LRP1B: variants seen among roughly 807,000 people sequenced by gnomAD.
The protein encoded by LRP1B is low-density lipoprotein receptor-related protein 1B.
In LRP1B, 217 loss-of-function variants were observed where a neutral mutation model predicts 556.6. The observed-to-expected ratio is 0.39, with a 90% CI of 0.35 to 0.44. The LOEUF (loss-of-function observed/expected upper bound fraction) is 0.44. Ranked by LOEUF, LRP1B falls within the 20% of genes least tolerant of loss-of-function variation. The probability of loss-of-function intolerance (pLI) is 1.00; values close to 1 mark genes in which losing one functional copy is unlikely to be tolerated. For missense variants in LRP1B, 5,053 were observed against 5,620.8 expected (o/e 0.90, Z 3.23); for synonymous variants, 2,047 against 1,865.8 (o/e 1.10, Z -2.50).
chr2:141,966,831 C>A (rs1464319875), intron 1 of LRP1B, among the ~76,000 whole-genome samples: 3 of 151,788 alleles, frequency 2.0e-5, no homozygotes, highest in Non-Finnish European at 4.4e-5. Flanking sequence ...TCTAAGCTCG[C>A]TGGATACATT....
chr2:142,080,109 A>C (rs62702462), intron 1 of LRP1B, among the ~76,000 whole-genome samples: 27 of 145,844 alleles, frequency 1.9e-4, no homozygotes, highest in East Asian at 1.4e-3. Context: ...AAAAAAAAAA[A>C]CCCCACAAAG....
chr2:141,266,136 A>G (rs1386267703), intron 3 of LRP1B, among the ~76,000 whole-genome samples: 1 of 152,130 alleles, frequency 6.6e-6, no homozygotes, highest in Non-Finnish European at 1.5e-5. Flanking sequence ...CATCCTGGCT[A>G]ACACAGTGAA....
chr2:141,135,636 AC>A (rs1701473674), intron 7 of LRP1B, among the ~76,000 whole-genome samples: 3 of 152,052 alleles, frequency 2.0e-5, no homozygotes, highest in African/African-American at 2.4e-5. Context: ...GTACTGTGGG[AC>A]CAGACTGAGT....
chr2:142,123,198 T>C (rs2105015376), intron 1 of LRP1B, among the ~76,000 whole-genome samples: 1 of 152,146 alleles, frequency 6.6e-6, no homozygotes, highest in South Asian at 2.1e-4. Flanking sequence ...CAACCATAAC[T>C]AAGTTTCATT....
At chr2:141,757,211 T>C (rs1043102330) in intron 2 of LRP1B, among the ~76,000 whole-genome samples, 3 of 152,160 alleles carry the variant, frequency 2.0e-5, no homozygotes, top group Non-Finnish European at 2.9e-5. Flanking sequence ...TAAAAAATAA[T>C]TTTTGAATAC....
intron 24 of LRP1B, among the ~76,000 whole-genome samples, chr2:140,885,037 C>T (rs1022438575): frequency 2.0e-5 from 3 of 152,102 alleles, no homozygotes; most frequent in Admixed American, 6.6e-5. Flanking sequence ...TTTTAAATAC[C>T]TTTTCTGATA....
Position 140,509,801 on chromosome 2 carries a change from A to G in LRP1B, c.8398+127T>C, listed in dbSNP as rs1689574888. 1.7e-5 allele frequency: 23 copies of G among 1,314,460 alleles called. No homozygotes were observed. In the South Asian group the frequency reaches 3.4e-4, roughly 20 times the overall value. 81.4% of individuals were successfully genotyped at this position (1,314,460 alleles called of 1,614,324 possible). ...CCGTCATCCCACCTGATTAAGTCCA[A>G]TACTACCTATGGGCCCAGGAACTAG... On this transcript the variant is annotated intron_variant, in intron 52 of 90. Transcript: ENST00000389484.
At chr2:141,950,631 A>AT (rs796361946) in intron 1 of LRP1B, among the ~76,000 whole-genome samples, 6 of 152,292 alleles carry the variant, frequency 3.9e-5, no homozygotes, top group African/African-American at 9.6e-5. Context: ...ATTTTGGATA[A>AT]TGAAACAAAT....
intron 86 of LRP1B, among the ~76,000 whole-genome samples, chr2:140,250,876 C>G (rs1681381997): frequency 6.6e-6 from 1 of 151,654 alleles, no homozygotes; most frequent in Non-Finnish European, 1.5e-5. Flanking sequence ...CATTCAATGT[C>G]TTATTGTGAG....
chr2:142,072,911 C>T (rs1006087437), intron 1 of LRP1B, among the ~76,000 whole-genome samples: 4 of 151,980 alleles, frequency 2.6e-5, no homozygotes, highest in Non-Finnish European at 5.9e-5. Flanking sequence ...ATCTCTATGC[C>T]TGTAATTATT....
At chr2:140,321,352 T>C (rs1318235388) in intron 82 of LRP1B, among the ~76,000 whole-genome samples, 1 of 150,610 alleles carries the variant, frequency 6.6e-6, no homozygotes, top group African/African-American at 2.4e-5. Flanking sequence ...AAAAATCTTA[T>C]CCATTTTGTT....
chr2:140,922,432 A>G (rs1397822146), intron 21 of LRP1B, among the ~76,000 whole-genome samples: 1 of 151,986 alleles, frequency 6.6e-6, no homozygotes, highest in Non-Finnish European at 1.5e-5. Flanking sequence ...CATCCTCCTC[A>G]TAATAGAAAT....
intron 7 of LRP1B, among the ~76,000 whole-genome samples, chr2:141,105,019 T>A (rs1427243303): frequency 6.6e-6 from 1 of 151,910 alleles, no homozygotes; most frequent in African/African-American, 2.4e-5. Context: ...GCTCTTATAA[T>A]AAATAAATAA....
chr2:140,370,446 C>T (rs973526916), intron 71 of LRP1B, among the ~76,000 whole-genome samples: 3 of 151,906 alleles, frequency 2.0e-5, no homozygotes, highest in African/African-American at 7.2e-5. Flanking sequence ...ATACTTGACC[C>T]GGCATCTAGT....
chr2:140,462,797 C>T, intron 60 of LRP1B, among the ~76,000 whole-genome samples: 1 of 152,146 alleles, frequency 6.6e-6, no homozygotes, highest in Non-Finnish European at 1.5e-5. Context: ...AAAAAGCATC[C>T]ATGACACCAT....
intron 41 of LRP1B, among the ~76,000 whole-genome samples, chr2:140,605,989 C>G (rs1046006707): frequency 2.0e-5 from 3 of 151,518 alleles, no homozygotes; most frequent in Non-Finnish European, 4.4e-5. Flanking sequence ...TTGACTAAAA[C>G]TGGAGATTCC....
chr2:142,090,243 C>T (rs1574673623), intron 1 of LRP1B, among the ~76,000 whole-genome samples: 1 of 152,088 alleles, frequency 6.6e-6, no homozygotes, highest in South Asian at 2.1e-4. Flanking sequence ...AATTATGAGG[C>T]TTGGTTTTAT....
intron 2 of LRP1B, among the ~76,000 whole-genome samples, chr2:141,779,821 A>G (rs1695193454): frequency 6.6e-6 from 1 of 151,998 alleles, no homozygotes; most frequent in African/African-American, 2.4e-5. Flanking sequence ...TTTTCAACCC[A>G]GATGTCTCTG....
chr2:140,580,091 T>C (rs938517352), intron 43 of LRP1B, among the ~76,000 whole-genome samples: 1 of 152,138 alleles, frequency 6.6e-6, no homozygotes, highest in Non-Finnish European at 1.5e-5. Flanking sequence ...GGGAAACTAA[T>C]GGTCTCATTG....
Sources: allele counts gnomAD v4.1 joint callset (sites outside exome capture counted in the v4.1 genomes callset), GRCh38; gene constraint gnomAD v4.1.1; transcripts MANE v1.5; gene names NCBI Gene and HGNC (gene_info 2026-07-23, HGNC 2026-07-21).